Variants in RASSF6 observed in about 807,000 individuals in gnomAD.
RASSF6 encodes the protein Ras association domain family member 6, also known as ras association domain-containing protein 6.
RASSF6 carries 52 observed loss-of-function variants against 44.0 expected under a neutral mutation model. That is an observed-to-expected ratio of 1.18 (90% CI 0.95 to 1.49). The LOEUF (loss-of-function observed/expected upper bound fraction) is 1.49, where lower values mean the gene tolerates loss of function less well. Ranked by LOEUF, RASSF6 falls within the 40% of genes most tolerant of loss-of-function variation. The pLI, the probability that RASSF6 is intolerant of heterozygous loss-of-function variation, is 0.00. For missense variants in RASSF6, 464 were observed against 393.3 expected (o/e 1.18, Z -1.52); for synonymous variants, 162 against 124.6 (o/e 1.30, Z -2.00).
At chr4:73,616,931 T>C (rs2149401810) in intron 1 of RASSF6, among the ~76,000 whole-genome samples, 1 of 152,244 alleles carries the variant, frequency 6.6e-6, no homozygotes, top group Admixed American at 6.5e-5. Flanking sequence ...TTCAAGAAAA[T>C]GAGACAAAGC....
intron 5 of RASSF6, 21 bp downstream of exon 5, chr4:73,587,819 C>T: frequency 6.6e-7 from 1 of 1,505,602 alleles, no homozygotes. Context: ...GTCTCCCAAT[C>T]AATAAGATTT....
At chr4:73,611,692 G>T in intron 2 of RASSF6, 39 bp downstream of exon 2, 1 of 1,316,756 alleles carries the variant, frequency 7.6e-7, no homozygotes, top group Non-Finnish European at 1.1e-6. Context: ...ACAAATGACT[G>T]GTGAGTAGGA....
Position 73,576,485 on chromosome 4 carries a change from T to A in RASSF6, c.863A>T (p.His288Leu). ...SSDVAQYINF[H>L]FSLLESILQR... ...AAGAATGGATTCCAAGAGAGAAAAG[T>A]GAAAGTTAATGTACTGAGCCACCTA... Residue 288 changes from histidine to leucine, a missense_variant, in exon 10 of 11, where the codon CAC becomes CTC. Physicochemically the swap from His to Leu is moderately conservative, Grantham distance 99. Transcript: ENST00000307439. The A allele has an allele frequency of 6.3e-7, 1 of 1,579,354 alleles. No individual in the cohort carries two copies. Among genetic ancestry groups the A allele is most frequent in the Non-Finnish European group, 8.6e-7 (1 of 1,161,804 alleles).
At chr4:73,607,408 T>G (rs1345116680) in intron 2 of RASSF6, among the ~76,000 whole-genome samples, 1 of 152,204 alleles carries the variant, frequency 6.6e-6, no homozygotes, top group African/African-American at 2.4e-5. Flanking sequence ...GCAGATTTCC[T>G]GTGTCAGAAA....
chr4:73,583,295 G>A (rs1247517047), intron 6 of RASSF6, among the ~76,000 whole-genome samples: 1 of 152,088 alleles, frequency 6.6e-6, no homozygotes, highest in Admixed American at 6.6e-5. Flanking sequence ...CTTCTAAAAT[G>A]TCAACATATA....
chr4:73,614,105 A>AT (rs1455073999), intron 1 of RASSF6, among the ~76,000 whole-genome samples: 8 of 152,122 alleles, frequency 5.3e-5, no homozygotes, highest in African/African-American at 1.9e-4. Context: ...ATTTAGTCTC[A>AT]TTTTTTCCCT....
In RASSF6 at chr4:73,587,929, G is replaced by A; in HGVS notation, c.293C>T (p.Thr98Ile). The change falls in exon 5 of 11, where the codon ACA becomes ATA. Residue 98 changes from threonine to isoleucine, a missense_variant. Transcript: ENST00000307439. Reference protein sequence around the residue: ...SSDVFSSKGMTRWGEFDDLYR... With the variant: ...SSDVFSSKGMIRWGEFDDLYR... ...GAGATCGTCAAATTCCCCCCAGCGT[G>A]TCATTCTGAGAAGTAATAAATCTTG... 1.2e-6 allele frequency: 2 copies of A among 1,601,194 alleles called. No individual in the cohort carries two copies. The highest frequency in any genetic ancestry group is 1.7e-6 in the Non-Finnish European group (2 of 1,169,844).
intron 1 of RASSF6, among the ~76,000 whole-genome samples, chr4:73,615,086 C>G (rs1047545057): frequency 9.1e-5 from 13 of 142,796 alleles, no homozygotes; most frequent in African/African-American, 3.3e-4. Flanking sequence ...GGCTGAGGCC[C>G]GAGAATCACT....
chr4:73,619,920 G>A (rs930154387), intron 1 of RASSF6, among the ~76,000 whole-genome samples: 2 of 151,976 alleles, frequency 1.3e-5, no homozygotes, highest in African/African-American at 4.8e-5. Context: ...GATACTCAGA[G>A]GAAGGAGTAT....
chr4:73,588,911 A>G (rs1161359888), intron 4 of RASSF6, among the ~76,000 whole-genome samples: 2 of 151,968 alleles, frequency 1.3e-5, no homozygotes, highest in East Asian at 3.9e-4. Context: ...GGTTGCTATT[A>G]TCTAAGAATC....
At chr4:73,584,013 A>AC (rs929847697) in intron 6 of RASSF6, among the ~76,000 whole-genome samples, 8 of 152,076 alleles carry the variant, frequency 5.3e-5, no homozygotes, top group African/African-American at 1.9e-4. Context: ...AACACAAATT[A>AC]CCCCACAAGA....
intron 1 of RASSF6, among the ~76,000 whole-genome samples, chr4:73,612,495 TAAA>T (rs201374059): frequency 0.042 from 5,941 of 142,910 alleles, 302 homozygotes; most frequent in Admixed American, 0.13. Flanking sequence ...TTTTTTTTTT[TAAA>T]AAAAAAAACG....
chr4:73,603,839 T>G, intron 2 of RASSF6, among the ~76,000 whole-genome samples: 1 of 152,226 alleles, frequency 6.6e-6, no homozygotes, highest in Admixed American at 6.5e-5. Context: ...AAATATTAGT[T>G]GTACTAAGAG....
chr4:73,586,635 A>G (rs537496822), intron 5 of RASSF6, among the ~76,000 whole-genome samples: 2 of 152,138 alleles, frequency 1.3e-5, no homozygotes, highest in Non-Finnish European at 2.9e-5. Flanking sequence ...TTCTACTGTA[A>G]TTAGAACATT....
chr4:73,588,607 T>A (rs1221252857), intron 4 of RASSF6, among the ~76,000 whole-genome samples: 3 of 152,000 alleles, frequency 2.0e-5, no homozygotes, highest in Non-Finnish European at 2.9e-5. Context: ...AAGTTTCTTA[T>A]CCCCTCTGTG....
chr4:73,612,126 A>T (rs922749285), intron 1 of RASSF6, among the ~76,000 whole-genome samples: 78 of 152,178 alleles, frequency 5.1e-4, no homozygotes, highest in African/African-American at 1.8e-3. Context: ...AAGGGAGCAT[A>T]TTCCTTCTAT....
intron 8 of RASSF6, among the ~76,000 whole-genome samples, chr4:73,578,094 A>G (rs994238612): frequency 1.3e-5 from 2 of 152,208 alleles, no homozygotes; most frequent in African/African-American, 4.8e-5. Context: ...TATAAAAGAA[A>G]ATGGGATTTT....
chr4:73,581,918 GT>G, intron 7 of RASSF6, 50 bp from the exon 8 acceptor site: 1 of 1,467,536 alleles, frequency 6.8e-7, no homozygotes, highest in Non-Finnish European at 9.5e-7. Context: ...GTTATATGAT[GT>G]TTTCTAACCT....
At chr4:73,592,926 C>T (rs1168498820) in intron 4 of RASSF6, among the ~76,000 whole-genome samples, 1 of 152,074 alleles carries the variant, frequency 6.6e-6, no homozygotes, top group Non-Finnish European at 1.5e-5. Flanking sequence ...AGGCCCAGTC[C>T]AGTTCTGCCA....
Sources: allele counts gnomAD v4.1 joint callset (sites outside exome capture counted in the v4.1 genomes callset), GRCh38; gene constraint gnomAD v4.1.1; transcripts MANE v1.5; gene names NCBI Gene and HGNC (gene_info 2026-07-23, HGNC 2026-07-21).